Variants in CFAP20DC observed in about 807,000 individuals in gnomAD.
CFAP20DC encodes CFAP20 domain containing, also known as protein CFAP20DC.
CFAP20DC carries 84 observed loss-of-function variants against 101.7 expected under a neutral mutation model. The observed-to-expected ratio is 0.83, with a 90% confidence interval of 0.69 to 0.99. CFAP20DC has a LOEUF of 0.99. Ranked by LOEUF, CFAP20DC falls within the 50% of genes least tolerant of loss-of-function variation. CFAP20DC has a pLI of 0.00. For synonymous variants in CFAP20DC, 359 were observed against 351.2 expected, an observed-to-expected ratio of 1.02 and a Z score of -0.25; for missense variants, 1,007 against 970.3, an observed-to-expected ratio of 1.04 and a Z score of -0.50.
At chr3:58,793,937 T>C (rs975035884) in intron 15 of CFAP20DC, among the ~76,000 whole-genome samples, 8 of 152,238 alleles carry the variant, frequency 5.3e-5, no homozygotes, top group Non-Finnish European at 1.2e-4. Context: ...CTTCTTTTCT[T>C]GCAACAGATT....
chr3:58,968,680 T>C (rs1232021847), intron 4 of CFAP20DC, among the ~76,000 whole-genome samples: 1 of 152,254 alleles, frequency 6.6e-6, no homozygotes, highest in Non-Finnish European at 1.5e-5. Flanking sequence ...CTGCTGATAG[T>C]TTCTTTCACT....
chr3:58,720,534 C>T lies in CFAP20DC; in HGVS notation c.198-2906G>A, dbSNP rs532063450. Among the ~76,000 whole-genome samples the T allele has an allele frequency of 3.5e-4, 54 of 152,270 alleles. 1 individual carries two copies. The South Asian group carries it at 9.8e-3, about 28-fold the overall frequency. ...CTTTTAGTCTGCTGGGTGGAACAGG[C>T]GGAAGAAATATCCTTGCCAACAATT... On this transcript the variant is annotated intron_variant, in intron 3 of 3. Transcript: ENST00000486145.
At chr3:58,842,247 G>C (rs2077181905) in intron 13 of CFAP20DC, among the ~76,000 whole-genome samples, 2 of 152,136 alleles carry the variant, frequency 1.3e-5, no homozygotes, top group African/African-American at 4.8e-5. Flanking sequence ...ATTTCCATCT[G>C]AGGTACCGGG....
At chr3:58,988,018 C>A (rs947817866) in intron 4 of CFAP20DC, among the ~76,000 whole-genome samples, 1 of 151,832 alleles carries the variant, frequency 6.6e-6, no homozygotes, top group African/African-American at 2.4e-5. Context: ...ATAAAATAAT[C>A]TAATAATGAA....
rs1418223403 is a variant in CFAP20DC, at chr3:58,971,357, A to T, written c.279-33595T>A. On this transcript the variant is annotated intron_variant, in intron 4 of 16. Coordinates refer to ENST00000482387, the MANE Select transcript of CFAP20DC (RefSeq NM_001394063.1). The surrounding 1 kb of genome is among the most constrained non-coding windows in gnomAD (Gnocchi z 4.1). The stretch of plus-strand genomic sequence containing the variant: ...TAAAGTTTAAAATAAATTGCGCACC[A>T]ATCAAAATTTGACAGTATCCAACAA... 1.3e-5 allele frequency among the ~76,000 whole-genome samples: 2 copies of T among 152,178 alleles called. No individual in the cohort carries two copies. The highest frequency in any genetic ancestry group is 4.8e-5 in the African/African-American group (2 of 41,452).
At chr3:58,981,816 A>C (rs1342744715) in intron 4 of CFAP20DC, among the ~76,000 whole-genome samples, 1 of 152,178 alleles carries the variant, frequency 6.6e-6, no homozygotes, top group African/African-American at 2.4e-5. Flanking sequence ...TCATGTCTAA[A>C]ACACCAAAAG....
intron 4 of CFAP20DC, among the ~76,000 whole-genome samples, chr3:58,941,347 A>G (rs2088552334): frequency 6.6e-6 from 1 of 150,826 alleles, no homozygotes; most frequent in East Asian, 1.9e-4. Context: ...AAAAAAAAAA[A>G]AAAAAAAAAG....
rs2082964102 is a variant in CFAP20DC, at chr3:58,899,554, G to C, written c.550+14154C>G. Among the ~76,000 whole-genome samples, 1 of 152,200 alleles carries C rather than the reference G, an allele frequency of 6.6e-6. No homozygotes were observed. The highest frequency in any genetic ancestry group is 2.4e-5 in the African/African-American group (1 of 41,460). ...CTCCTGGGTCTCTGTGTGTGCCTGA[G>C]TGGCTGCTCTGCTGGGACTCCACAC... On this transcript the variant is annotated intron_variant, in intron 6 of 16. Coordinates refer to ENST00000482387, the MANE Select transcript of CFAP20DC (RefSeq NM_001394063.1). The surrounding 1 kb of genome is among the most constrained non-coding windows in gnomAD (Gnocchi z 5.0).
rs2067473365 is a variant in CFAP20DC at position 58,721,547 on chromosome 3, G to A, written c.198-3919C>T. Among the ~76,000 whole-genome samples the A allele has an allele frequency of 1.3e-5, 2 of 152,130 alleles. No homozygotes were observed. Among genetic ancestry groups the A allele is most frequent in the African/African-American group, 4.8e-5 (2 of 41,420 alleles). On this transcript the variant is annotated intron_variant, in intron 3 of 3. Coordinates refer to the CFAP20DC transcript ENST00000486145. This position sits in a 1 kb window ranked among gnomAD's most constrained non-coding sequence, Gnocchi z 5.2. ...TTAATACATGCAACAGGGAAGGAAG[G>A]GAGCAAGTCGTAGCACCCAAGACCC... is the stretch of plus-strand genomic sequence containing the variant.
At chr3:58,801,296 T>C (rs1259883302) in intron 15 of CFAP20DC, among the ~76,000 whole-genome samples, 3 of 152,316 alleles carry the variant, frequency 2.0e-5, no homozygotes, top group Non-Finnish European at 4.4e-5. Flanking sequence ...CAACAACTGA[T>C]GCCTTTGGTT....
chr3:58,994,067 A>G (rs954329688), intron 4 of CFAP20DC, among the ~76,000 whole-genome samples: 1 of 152,158 alleles, frequency 6.6e-6, no homozygotes, highest in Non-Finnish European at 1.5e-5. Context: ...TTCCAAGGAG[A>G]CACTTTCATC....
At chr3:58,742,873 A>T (rs997740171) in intron 16 of CFAP20DC, among the ~76,000 whole-genome samples, 1 of 152,204 alleles carries the variant, frequency 6.6e-6, no homozygotes, top group Non-Finnish European at 1.5e-5. Flanking sequence ...CTTAAGAGTT[A>T]TGCTTATTAG....
chr3:58,915,586 T>C (rs189738767), intron 5 of CFAP20DC, among the ~76,000 whole-genome samples: 1 of 151,912 alleles, frequency 6.6e-6, no homozygotes, highest in Non-Finnish European at 1.5e-5. Flanking sequence ...CAGACATAAA[T>C]AAGAGAGTCC....
chr3:58,943,260 C>T lies in CFAP20DC; in HGVS notation c.279-5498G>A, dbSNP rs535045985. Among the ~76,000 whole-genome samples the T allele has an allele frequency of 5.1e-4, 77 of 152,298 alleles. 1 individual carries two copies. The highest frequency in any genetic ancestry group is 1.8e-3 in the African/African-American group (76 of 41,566). ...GACGCCTCAAGTGGGTCCCTGACCC[C>T]TGTGCCTCCTGACTGGGAGACACCT... On this transcript the variant is annotated intron_variant, in intron 4 of 16. Coordinates refer to ENST00000482387, the MANE Select transcript of CFAP20DC (RefSeq NM_001394063.1).
At chr3:58,836,429 T>C (rs1413064488) in intron 13 of CFAP20DC, among the ~76,000 whole-genome samples, 1 of 152,164 alleles carries the variant, frequency 6.6e-6, no homozygotes. Context: ...AAACATCTGA[T>C]GATAGAACTT....
chr3:58,842,095 G>A (rs2077159047), intron 13 of CFAP20DC, among the ~76,000 whole-genome samples: 3 of 152,166 alleles, frequency 2.0e-5, no homozygotes. Context: ...CAAAGAACAA[G>A]TTTACCCAGC....
chr3:58,798,405 G>A (rs984049659), intron 15 of CFAP20DC, among the ~76,000 whole-genome samples: 1 of 152,196 alleles, frequency 6.6e-6, no homozygotes, highest in South Asian at 2.1e-4. Context: ...AATAAAGCTC[G>A]AAGATGTGGC....
chr3:58,948,415 A>T (rs994956831), intron 4 of CFAP20DC, among the ~76,000 whole-genome samples: 1 of 152,070 alleles, frequency 6.6e-6, no homozygotes, highest in African/African-American at 2.4e-5. Flanking sequence ...TTTAACTTCT[A>T]TTACTGAATT....
rs970160372 is a variant in CFAP20DC at position 59,046,320 on chromosome 3, C to T, written c.114G>A (p.Glu38=). The change falls in exon 3 of 17, where the codon GAG becomes GAA. Residue 38 remains glutamate, a splice_region_variant and synonymous_variant. Transcript: ENST00000482387. ...CAAAACTTTTAACTTCTTTATCAAA[C>T]TCCTATAGAACAAAATGAAAACAGT... ...ILGSPSVIWK[E]FDKEVKSFVF... The T allele has an allele frequency of 2.4e-5, 37 of 1,518,564 alleles. No individual in the cohort carries two copies. The highest frequency in any genetic ancestry group is 2.9e-5 in the Non-Finnish European group (33 of 1,136,298). The allele number at this position is 1,518,564 out of a possible 1,614,324, so 94.1% of individuals were successfully genotyped here. A position where few individuals can be genotyped will look rare whatever the true frequency, so the allele number is the denominator to read the frequency against.
Sources: allele counts gnomAD v4.1 joint callset (sites outside exome capture counted in the v4.1 genomes callset), GRCh38; gene constraint gnomAD v4.1.1; non-coding constraint Gnocchi (gnomAD v3.1); transcripts MANE v1.5; gene names NCBI Gene and HGNC (gene_info 2026-07-23, HGNC 2026-07-21).